NSUN4: variants seen among roughly 807,000 people sequenced by gnomAD.
NSUN4 encodes 5-cytosine rRNA methyltransferase NSUN4.
A neutral mutation model predicts 43.8 loss-of-function variants in NSUN4; 31 were observed. The observed-to-expected ratio is 0.71, with a 90% CI of 0.53 to 0.96. The LOEUF is 0.96. Among genes scored for constraint, NSUN4 ranks in the 40% least tolerant of loss-of-function variants. The pLI is 0.00. For synonymous variants in NSUN4, 167 were observed against 184.1 expected, an observed-to-expected ratio of 0.91 and a Z score of 0.75; for missense variants, 439 against 475.6, an observed-to-expected ratio of 0.92 and a Z score of 0.72.
the NSUN4 span, among the ~76,000 whole-genome samples, chr1:46,380,709 G>T: frequency 1.3e-5 from 2 of 152,266 alleles, no homozygotes; most frequent in East Asian, 3.9e-4. Context: ...GGCACAAGAG[G>T]TTAAAGAGGC....
At chr1:46,359,614 G>A (rs1476877556) in intron 4 of NSUN4, among the ~76,000 whole-genome samples, 4 of 146,938 alleles carry the variant, frequency 2.7e-5, no homozygotes, top group East Asian at 2.1e-4. Flanking sequence ...GCAATGGCGC[G>A]ATCTTGGCTC....
chr1:46,358,389 C>T (rs1397580641), intron 4 of NSUN4, among the ~76,000 whole-genome samples: 1 of 146,364 alleles, frequency 6.8e-6, no homozygotes, highest in Admixed American at 7.0e-5. Context: ...AGCTACTGCT[C>T]CTGGCCTAAT....
intron 4 of NSUN4, among the ~76,000 whole-genome samples, chr1:46,359,086 C>T (rs1378992884): frequency 2.6e-5 from 4 of 151,946 alleles, no homozygotes; most frequent in East Asian, 2.0e-4. Flanking sequence ...GGCAAAACCC[C>T]GTCTGTACTA....
intron 5 of NSUN4, among the ~76,000 whole-genome samples, chr1:46,361,343 AT>A (rs1481608414): frequency 2.0e-5 from 3 of 152,180 alleles, no homozygotes; most frequent in Non-Finnish European, 2.9e-5. Flanking sequence ...TCAGGGGGTC[AT>A]TGTAAGGAGA....
At chr1:46,369,492 T>C (rs1664204098), downstream of NSUN4, among the ~76,000 whole-genome samples, 1 of 152,158 alleles carries the variant, frequency 6.6e-6, no homozygotes. Context: ...CAATTACAAT[T>C]AGTTATAAGT....
chr1:46,370,935 T>G, the NSUN4 span: 1 of 152,592 alleles, frequency 6.6e-6, no homozygotes, highest in Non-Finnish European at 1.5e-5. Context: ...TGCTGAAGGA[T>G]CCCAAAATGC....
Position 46,346,916 on chromosome 1 carries a change from T to G in NSUN4, c.438-5T>G. On this transcript the variant is annotated splice_polypyrimidine_tract_variant and splice_region_variant and intron_variant, in intron 2 of 5. Coordinates refer to ENST00000474844, the MANE Select transcript of NSUN4 (RefSeq NM_199044.4). ...TTAACAATAAAGTGGTCTCCTCTTT[T>G]CCAGACCTGGCAGCCTGGGTGTCAT... 1.9e-6 allele frequency: 3 copies of G among 1,612,266 alleles called. No individual in the cohort carries two copies. Among genetic ancestry groups the G allele is most frequent in the Non-Finnish European group, 2.5e-6 (3 of 1,179,144 alleles).
chr1:46,371,573 T>C, the NSUN4 span, among the ~76,000 whole-genome samples: 2 of 152,196 alleles, frequency 1.3e-5, no homozygotes, highest in African/African-American at 4.8e-5. Flanking sequence ...CCCAAAGTTC[T>C]GTGATTATGG....
chr1:46,340,958 G>C, intron 1 of NSUN4, 39 bp downstream of exon 1: 47 of 1,520,354 alleles, frequency 3.1e-5, no homozygotes, highest in Non-Finnish European at 3.7e-5. Flanking sequence ...AAAAGTGAGG[G>C]TGGAAACTTC....
rs1662250068 is a variant in NSUN4 at position 46,343,265 on chromosome 1, G to A, written c.94-1536G>A. Reference sequence around the variant, plus strand: ...CCCAACCTCGTTGTCAGCCTGTGATGCCTCCTTGTTCTACCCACATCTATT... The same window carrying A: ...CCCAACCTCGTTGTCAGCCTGTGATACCTCCTTGTTCTACCCACATCTATT... On this transcript the variant is annotated intron_variant, in intron 1 of 5. Transcript: ENST00000474844. 7.5e-6 allele frequency: 3 copies of A among 399,256 alleles called. No homozygotes were observed. The East Asian group carries it at 1.1e-4, about 14-fold the overall frequency. 24.7% of individuals were successfully genotyped at this position (399,256 alleles called of 1,614,324 possible).
At chr1:46,340,957 G>A (rs1420313115) in intron 1 of NSUN4, 38 bp downstream of exon 1, 44 of 1,546,056 alleles carry the variant, frequency 2.8e-5, no homozygotes, top group Non-Finnish European at 3.8e-5. Flanking sequence ...GAAAAGTGAG[G>A]GTGGAAACTT....
At chr1:46,358,951 C>T (rs747934050) in intron 4 of NSUN4, among the ~76,000 whole-genome samples, 6 of 152,050 alleles carry the variant, frequency 3.9e-5, no homozygotes, top group Non-Finnish European at 7.4e-5. Context: ...GTTGACTAGT[C>T]TCATTGAAAA....
chr1:46,367,151 A>G (rs1664155809), downstream of NSUN4, among the ~76,000 whole-genome samples: 1 of 152,190 alleles, frequency 6.6e-6, no homozygotes, highest in Admixed American at 6.5e-5. Flanking sequence ...AAGGGGGTCA[A>G]GCAGAGACCC....
At chr1:46,352,491 G>A (rs1459708506) in intron 3 of NSUN4, among the ~76,000 whole-genome samples, 2 of 149,252 alleles carry the variant, frequency 1.3e-5, no homozygotes, top group African/African-American at 4.9e-5. Flanking sequence ...AGAAAGAAAA[G>A]GAGAGAAAGG....
chr1:46,354,075 ATCATG>A (rs1382757511), intron 4 of NSUN4, among the ~76,000 whole-genome samples: 2 of 151,882 alleles, frequency 1.3e-5, no homozygotes, highest in East Asian at 3.9e-4. Flanking sequence ...TCTCTTATTA[ATCATG>A]TTGAAAATCT....
chr1:46,378,937 C>A, the NSUN4 span, among the ~76,000 whole-genome samples: 1 of 152,208 alleles, frequency 6.6e-6, no homozygotes, highest in Non-Finnish European at 1.5e-5. Flanking sequence ...CAAAACAGTT[C>A]TCTTACAGCC....
In NSUN4 at chr1:46,344,904, G is replaced by C. The variant is rs1662373000; in HGVS notation, c.197G>C (p.Ser66Thr). Residue 66 changes from serine to threonine, a missense_variant, in exon 2 of 6, where the codon AGT becomes ACT. Coordinates refer to ENST00000474844, the MANE Select transcript of NSUN4 (RefSeq NM_199044.4). ...GATCTTTGGCCATCAATCCGTGTCA[G>C]TCTCCTCTCAGAGCAGAAGTATGGT... ...FGDLWPSIRVSLLSEQKYGAL... is the reference protein window; with the variant it reads ...FGDLWPSIRVTLLSEQKYGAL... 1.2e-6 allele frequency: 2 copies of C among 1,614,178 alleles called. No individual in the cohort carries two copies. The highest frequency in any genetic ancestry group is 1.3e-5 in the African/African-American group (1 of 75,044).
At chr1:46,359,065 C>T (rs1426937396) in intron 4 of NSUN4, among the ~76,000 whole-genome samples, 3 of 152,056 alleles carry the variant, frequency 2.0e-5, no homozygotes, top group African/African-American at 7.2e-5. Context: ...CGAGACCAAC[C>T]TGGCCAATAT....
Position 46,347,053 on chromosome 1 carries a change from G to A in NSUN4, c.570G>A (p.Ala190=), listed in dbSNP as rs768187823. The change falls in exon 3 of 6, where the codon GCG becomes GCA. Residue 190 remains alanine, a synonymous_variant. Coordinates refer to ENST00000474844, the MANE Select transcript of NSUN4 (RefSeq NM_199044.4). ...CAGCTCCTGGGGGAAAGACACTAGC[G>A]TTGCTTCAGACTGGCTGTTGCCGTA... ...LCAAPGGKTL[A]LLQTGCCRNL... is the part of the protein sequence containing the mutation. 2.5e-6 allele frequency: 4 copies of A among 1,614,052 alleles called. No homozygotes were observed. The highest frequency in any genetic ancestry group is 2.2e-5 in the South Asian group (2 of 91,080).
Sources: gnomAD v4.1 joint callset for allele counts (sites outside exome capture counted in the v4.1 genomes callset) on GRCh38, gnomAD v4.1.1 for gene constraint, MANE v1.5 for transcripts, NCBI Gene and HGNC (gene_info 2026-07-23, HGNC 2026-07-21) for gene names.